The following PRIMA1 variants were observed in gnomAD, a reference collection of about 807,000 sequenced individuals.
PRIMA1 encodes proline-rich membrane anchor 1.
A neutral mutation model predicts 17.5 loss-of-function variants in PRIMA1; 7 were observed. That is an observed-to-expected ratio of 0.40 (90% CI 0.23 to 0.75). The LOEUF is 0.75. PRIMA1 is among the 30% of genes least tolerant of loss of function. PRIMA1 has a pLI of 0.37. For synonymous variants in PRIMA1, 97 were observed against 77.9 expected, an observed-to-expected ratio of 1.25 and a Z score of -1.29; for missense variants, 200 against 201.8, an observed-to-expected ratio of 0.99 and a Z score of 0.05.
At chr14:93,773,122 G>A (rs553065073) in intron 3 of PRIMA1, among the ~76,000 whole-genome samples, 23 of 152,314 alleles carry the variant, frequency 1.5e-4, no homozygotes, top group Admixed American at 1.4e-3. Context: ...TGGACCTCAG[G>A]TCTAGAGGGC....
At chr14:93,768,176 T>C (rs1884949679) in intron 3 of PRIMA1, among the ~76,000 whole-genome samples, 1 of 152,114 alleles carries the variant, frequency 6.6e-6, no homozygotes, top group South Asian at 2.1e-4. Context: ...CACGTGTCCC[T>C]TTTTCCACCT....
chr14:93,785,271 A>G (rs1186491611), intron 2 of PRIMA1, among the ~76,000 whole-genome samples: 1 of 151,892 alleles, frequency 6.6e-6, no homozygotes, highest in Admixed American at 6.6e-5. Context: ...TCAATTCCAG[A>G]CACATTAAAG....
intron 3 of PRIMA1, among the ~76,000 whole-genome samples, chr14:93,739,652 T>C (rs2076172422): frequency 6.6e-6 from 1 of 152,182 alleles, no homozygotes; most frequent in Non-Finnish European, 1.5e-5. Context: ...TACTGATTTG[T>C]TGCAGCTGGA....
At chr14:93,769,298 A>G (rs186930741) in intron 3 of PRIMA1, among the ~76,000 whole-genome samples, 1 of 152,330 alleles carries the variant, frequency 6.6e-6, no homozygotes, top group East Asian at 1.9e-4. Context: ...GATTTGCACA[A>G]CCCACTTTGG....
intron 3 of PRIMA1, among the ~76,000 whole-genome samples, chr14:93,750,330 C>A (rs903024743): frequency 1.3e-5 from 2 of 152,188 alleles, no homozygotes; most frequent in African/African-American, 4.8e-5. Context: ...TGGCTTGAGC[C>A]CAGGAGTTTG....
At chr14:93,782,928 G>A (rs1885423127) in intron 2 of PRIMA1, among the ~76,000 whole-genome samples, 1 of 152,198 alleles carries the variant, frequency 6.6e-6, no homozygotes, top group South Asian at 2.1e-4. Flanking sequence ...ACAGGACTGA[G>A]ATTTCTCTCT....
rs546111668 is a variant in PRIMA1, at chr14:93,747,851, GTA to G, written c.230-10483_230-10482del. On this transcript the variant is annotated intron_variant, in intron 3 of 4. Coordinates refer to ENST00000393140, the MANE Select transcript of PRIMA1 (RefSeq NM_178013.4). ...TGTGTGTGAGAGTGTATGAGTGTGT[GTA>G]TGAGTGTGTGTGAGTGGGGACTGAG... Among the ~76,000 whole-genome samples, 389 of 151,202 alleles carry G rather than the reference GTA, an allele frequency of 2.6e-3. 5 individuals are homozygous for G. The highest frequency in any genetic ancestry group is 1.2e-3 in the Non-Finnish European group (80 of 67,740).
At chr14:93,744,591 T>A (rs1390340391) in intron 3 of PRIMA1, among the ~76,000 whole-genome samples, 1 of 152,152 alleles carries the variant, frequency 6.6e-6, no homozygotes, top group Non-Finnish European at 1.5e-5. Flanking sequence ...AGCCCCTATT[T>A]CTACAGAGAA....
At chr14:93,749,216 GC>G (rs1473053953) in intron 3 of PRIMA1, among the ~76,000 whole-genome samples, 1 of 152,154 alleles carries the variant, frequency 6.6e-6, no homozygotes, top group African/African-American at 2.4e-5. Context: ...CAGAAGGTCC[GC>G]ATACTTGCCA....
intron 4 of PRIMA1, among the ~76,000 whole-genome samples, chr14:93,725,528 T>G (rs2076069769): frequency 6.6e-6 from 1 of 152,118 alleles, no homozygotes; most frequent in African/African-American, 2.4e-5. Context: ...AAGCGGCAGA[T>G]GTCAAGGCTC....
chr14:93,787,619 G>A lies in PRIMA1; in HGVS notation c.93+7C>T, dbSNP rs1282797760. On this transcript the variant is annotated splice_region_variant and intron_variant, in intron 2 of 4. Coordinates refer to ENST00000393140, the MANE Select transcript of PRIMA1 (RefSeq NM_178013.4). ...CTCCCAGCCAGTGCGCAGCCGGCGC[G>A]TCTCACCTGCACGAAGCCCCAGAGC... 6.5e-7 allele frequency: 1 copy of A among 1,540,618 alleles called. No homozygotes were observed. Among genetic ancestry groups the A allele is most frequent in the Non-Finnish European group, 8.7e-7 (1 of 1,146,772 alleles).
chr14:93,739,305 G>T (rs1175897876), intron 3 of PRIMA1, among the ~76,000 whole-genome samples: 1 of 152,134 alleles, frequency 6.6e-6, no homozygotes, highest in African/African-American at 2.4e-5. Context: ...GCCCACCTCG[G>T]TCTCCCAAAG....
At chr14:93,733,445 G>A (rs1432901239) in intron 4 of PRIMA1, among the ~76,000 whole-genome samples, 2 of 152,104 alleles carry the variant, frequency 1.3e-5, no homozygotes, top group Non-Finnish European at 2.9e-5. Context: ...TGCGGGGTGC[G>A]CCTTCCACAG....
intron 4 of PRIMA1, among the ~76,000 whole-genome samples, chr14:93,729,710 T>C (rs1451956644): frequency 6.6e-6 from 1 of 152,054 alleles, no homozygotes; most frequent in African/African-American, 2.4e-5. Flanking sequence ...GCACAGTAGG[T>C]GTGTCCTGCG....
chr14:93,770,299 C>T (rs183588734), intron 3 of PRIMA1, among the ~76,000 whole-genome samples: 2 of 152,354 alleles, frequency 1.3e-5, no homozygotes, highest in African/African-American at 2.4e-5. Context: ...TGCCACACCC[C>T]CTACTCAAAA....
At chr14:93,760,435 A>G (rs1203714855) in intron 3 of PRIMA1, among the ~76,000 whole-genome samples, 1 of 151,838 alleles carries the variant, frequency 6.6e-6, no homozygotes, top group Non-Finnish European at 1.5e-5. Context: ...CATTTCTTCT[A>G]CCTGGAGCAT....
At chr14:93,777,360 G>A (rs1008382163) in intron 3 of PRIMA1, among the ~76,000 whole-genome samples, 4 of 151,802 alleles carry the variant, frequency 2.6e-5, no homozygotes, top group Non-Finnish European at 4.4e-5. Context: ...TTTTTGAGAC[G>A]GAGTCTCACT....
intron 3 of PRIMA1, among the ~76,000 whole-genome samples, chr14:93,764,921 G>A (rs952399155): frequency 1.3e-5 from 2 of 152,196 alleles, no homozygotes; most frequent in African/African-American, 4.8e-5. Context: ...GTGGGAGGCA[G>A]TGCATATATG....
chr14:93,725,522 G>C (rs1019158077), intron 4 of PRIMA1, among the ~76,000 whole-genome samples: 1 of 152,106 alleles, frequency 6.6e-6, no homozygotes, highest in African/African-American at 2.4e-5. Flanking sequence ...AGTGCTAAGC[G>C]GCAGATGTCA....
Sources: gnomAD v4.1 joint callset for allele counts (sites outside exome capture counted in the v4.1 genomes callset) on GRCh38, gnomAD v4.1.1 for gene constraint, MANE v1.5 for transcripts, NCBI Gene and HGNC (gene_info 2026-07-23, HGNC 2026-07-21) for gene names.